Variants in ZNF69 observed in about 807,000 individuals in gnomAD.
ZNF69 encodes ZNF3.
A neutral mutation model predicts 50.9 loss-of-function variants in ZNF69; 47 were observed. The observed-to-expected ratio is 0.92, with a 90% confidence interval of 0.73 to 1.18. The LOEUF (loss-of-function observed/expected upper bound fraction) is 1.18, where lower values mean the gene tolerates loss of function less well. Among genes scored for constraint, ZNF69 ranks in the 50% most tolerant of loss-of-function variants. The probability of loss-of-function intolerance (pLI) is 0.00; values close to 1 mark genes in which losing one functional copy is unlikely to be tolerated. For synonymous variants in ZNF69, 216 were observed against 223.1 expected (o/e 0.97, Z 0.29); for missense variants, 717 against 675.1 (o/e 1.06, Z -0.69).
chr19:11,949,654 G>A, the ZNF69 span: 1 of 1,613,852 alleles, frequency 6.2e-7, no homozygotes. Context: ...ATGTGGTAAA[G>A]CCTTCAGATG....
At chr19:11,930,778 A>G in the ZNF69 span, among the ~76,000 whole-genome samples, 1 of 148,142 alleles carries the variant, frequency 6.8e-6, no homozygotes, top group African/African-American at 2.6e-5. Context: ...AGACTGGCAT[A>G]TCACCTGAGG....
chr19:11,963,336 C>G, the ZNF69 span, among the ~76,000 whole-genome samples: 1 of 152,162 alleles, frequency 6.6e-6, no homozygotes. Context: ...TTCAAGTGCT[C>G]CTCCCACTTT....
chr19:11,915,843 G>T (rs1421102518), downstream of ZNF69, among the ~76,000 whole-genome samples: 1 of 152,156 alleles, frequency 6.6e-6, no homozygotes, highest in African/African-American at 2.4e-5. Context: ...GGCGGAGGTT[G>T]CAGTGTGCTG....
chr19:11,931,645 A>G, the ZNF69 span, among the ~76,000 whole-genome samples: 9 of 148,446 alleles, frequency 6.1e-5, no homozygotes, highest in Non-Finnish European at 1.2e-4. Context: ...TTCATAAAAT[A>G]TAACTGTAGG....
chr19:11,953,823 A>G, the ZNF69 span, among the ~76,000 whole-genome samples: 4 of 152,232 alleles, frequency 2.6e-5, no homozygotes, highest in African/African-American at 7.2e-5. Context: ...ACTTTCTTCA[A>G]TGTGTAACAG....
At chr19:11,925,651 C>A in the ZNF69 span, among the ~76,000 whole-genome samples, 1 of 152,184 alleles carries the variant, frequency 6.6e-6, no homozygotes, top group East Asian at 1.9e-4. Flanking sequence ...GGCCCCCAGT[C>A]CCCACTTTCT....
chr19:11,913,263 T>C (rs1272697755), intron 4 of ZNF69: 2 of 447,664 alleles, frequency 4.5e-6, no homozygotes, highest in African/African-American at 4.1e-5. Flanking sequence ...TACTGTTAAA[T>C]TGTTATTATT....
chr19:11,978,457 G>GA, the ZNF69 span: 1 of 1,614,024 alleles, frequency 6.2e-7, no homozygotes, highest in African/African-American at 1.3e-5. Flanking sequence ...AAAGAATGTG[G>GA]AAAAACCTTT....
chr19:11,913,689 G>T (rs529643922), exon 5 of ZNF69: 18 of 239,066 alleles, frequency 7.5e-5, no homozygotes, highest in Admixed American at 2.2e-4. Context: ...ATGCCCAGCC[G>T]CAACCCTAAT....
chr19:11,949,240 C>A, the ZNF69 span: 5 of 1,613,750 alleles, frequency 3.1e-6, no homozygotes, highest in Non-Finnish European at 4.2e-6. Context: ...CAGTTCCTTT[C>A]GATATCATGA....
the ZNF69 span, among the ~76,000 whole-genome samples, chr19:11,974,360 T>A: frequency 6.6e-6 from 1 of 150,766 alleles, no homozygotes; most frequent in South Asian, 2.1e-4. Flanking sequence ...CCACTCCTGA[T>A]AAATTTTTGT....
the ZNF69 span, among the ~76,000 whole-genome samples, chr19:11,964,161 G>A: frequency 6.6e-6 from 1 of 152,158 alleles, no homozygotes; most frequent in Non-Finnish European, 1.5e-5. Context: ...CGGGCAGCCC[G>A]CCCTCCCCTA....
the ZNF69 span, among the ~76,000 whole-genome samples, chr19:11,963,074 T>TGAGAGAGAGAGAGAGAGAGAGAGA: frequency 2.5e-3 from 333 of 134,300 alleles, 3 homozygotes; most frequent in African/African-American, 8.6e-3. Context: ...GGTAGTTTGG[T>TGAGAGAGAGAGAGAGAGAGAGAGA]GAGAGAGAGA....
chr19:11,898,443 G>T (rs1032238005), intron 1 of ZNF69, among the ~76,000 whole-genome samples: 9 of 148,594 alleles, frequency 6.1e-5, no homozygotes, highest in African/African-American at 1.3e-4. Flanking sequence ...CAGGCTGGAG[G>T]GCAGTGGCAT....
the ZNF69 span, among the ~76,000 whole-genome samples, chr19:11,972,660 C>A: frequency 6.6e-6 from 1 of 152,188 alleles, no homozygotes; most frequent in Non-Finnish European, 1.5e-5. Flanking sequence ...ATGAACCTTA[C>A]ATGGAATGAT....
chr19:11,950,063 A>C, the ZNF69 span: 3 of 1,614,226 alleles, frequency 1.9e-6, no homozygotes, highest in Non-Finnish European at 2.5e-6. Context: ...GAATGTAAGC[A>C]TTGTGGGAAT....
chr19:11,906,271 C>T lies in ZNF69; in HGVS notation c.*173C>T. 6.8e-7 allele frequency: 1 copy of T among 1,460,372 alleles called. No individual in the cohort carries two copies. The highest frequency in any genetic ancestry group is 1.9e-4 in the Middle Eastern group (1 of 5,152). The allele number at this position is 1,460,372 out of a possible 1,614,324, so 90.5% of individuals were successfully genotyped here. The stretch of plus-strand genomic sequence containing the variant: ...GCATTCTGGATAGCTGAACAAAAGG[C>T]AGCAGAAACTTCTGCAGACTTAAAT... On this transcript the variant is annotated 3_prime_UTR_variant, in exon 4 of 4. Coordinates refer to ENST00000429654, the MANE Select transcript of ZNF69 (RefSeq NM_001364730.1).
intron 1 of ZNF69, among the ~76,000 whole-genome samples, chr19:11,890,251 T>C (rs1207739403): frequency 1.3e-5 from 2 of 152,184 alleles, no homozygotes; most frequent in Non-Finnish European, 2.9e-5. Context: ...TCTCAGGCTG[T>C]CTCAGTGGGG....
At chr19:11,979,241 A>T in the ZNF69 span, 2 of 1,612,168 alleles carry the variant, frequency 1.2e-6, no homozygotes, top group Non-Finnish European at 1.7e-6. Flanking sequence ...TCCTTTCAGT[A>T]TCATGAAAGG....
Sources: gnomAD v4.1 joint callset for allele counts (sites outside exome capture counted in the v4.1 genomes callset) on GRCh38, gnomAD v4.1.1 for gene constraint, MANE v1.5 for transcripts, NCBI Gene and HGNC (gene_info 2026-07-23, HGNC 2026-07-21) for gene names.